Variants in OR51B5 observed in about 807,000 individuals in gnomAD.
OR51B5 encodes the protein olfactory receptor 51B5.
For synonymous variants in OR51B5, 186 were observed against 144.8 expected (o/e 1.28, Z -2.04); for missense variants, 456 against 374.6 (o/e 1.22, Z -1.79).
At chr11:5,495,230 G>C (rs1396869076) in intron 1 of OR51B5, among the ~76,000 whole-genome samples, 1 of 152,150 alleles carries the variant, frequency 6.6e-6, no homozygotes, top group African/African-American at 2.4e-5. Flanking sequence ...TCTTCAAGTT[G>C]AAATGACAGG....
chr11:5,404,269 C>T (rs1222757343), intron 1 of OR51B5, among the ~76,000 whole-genome samples: 1 of 152,136 alleles, frequency 6.6e-6, no homozygotes, highest in East Asian at 1.9e-4. Context: ...TTTGTAAACA[C>T]ACCAATCAGC....
At chr11:5,464,994 CAGG>C (rs1161307370) in intron 1 of OR51B5, among the ~76,000 whole-genome samples, 1 of 152,042 alleles carries the variant, frequency 6.6e-6, no homozygotes, top group Admixed American at 6.5e-5. Flanking sequence ...ATCGCGAGGT[CAGG>C]AGATCGAGAC....
chr11:5,474,647 G>A (rs917403948), intron 1 of OR51B5, among the ~76,000 whole-genome samples: 2 of 152,106 alleles, frequency 1.3e-5, no homozygotes, highest in Admixed American at 1.3e-4. Context: ...TACTATTCAA[G>A]TTGACAAGAT....
At chr11:5,424,930 C>A (rs1216852990) in intron 1 of OR51B5, among the ~76,000 whole-genome samples, 1 of 101,430 alleles carries the variant, frequency 9.9e-6, no homozygotes, top group Non-Finnish European at 2.2e-5. Context: ...TGCAGTGAGC[C>A]GAGATCCCGC....
chr11:5,437,410 T>C (rs1428790998), intron 1 of OR51B5, among the ~76,000 whole-genome samples: 1 of 152,122 alleles, frequency 6.6e-6, no homozygotes, highest in African/African-American at 2.4e-5. Context: ...CCAGAGAGGA[T>C]ATGACCTGAC....
At chr11:5,373,064 G>C (rs1849468857) in intron 1 of OR51B5, among the ~76,000 whole-genome samples, 1 of 152,146 alleles carries the variant, frequency 6.6e-6, no homozygotes, top group Admixed American at 6.5e-5. Context: ...CAACACAATA[G>C]GGGAAGGATA....
chr11:5,417,976 G>A (rs561268887), intron 1 of OR51B5, among the ~76,000 whole-genome samples: 26 of 148,278 alleles, frequency 1.8e-4, no homozygotes, highest in South Asian at 6.8e-4. Flanking sequence ...TGTTTATTGC[G>A]GCACTACTCA....
chr11:5,387,150 G>A (rs1050884391), intron 1 of OR51B5, among the ~76,000 whole-genome samples: 3 of 152,084 alleles, frequency 2.0e-5, no homozygotes, highest in African/African-American at 4.8e-5. Flanking sequence ...ATAAATATTT[G>A]AGCAATGGAA....
At chr11:5,477,793 G>T (rs866942728) in intron 1 of OR51B5, among the ~76,000 whole-genome samples, 2 of 152,176 alleles carry the variant, frequency 1.3e-5, no homozygotes, top group Non-Finnish European at 2.9e-5. Flanking sequence ...TGAATATTGC[G>T]CTTTTCGGAC....
upstream of OR51B5, among the ~76,000 whole-genome samples, chr11:5,347,483 C>CATCCCTGTGATGAGTG (rs138892225): frequency 2.0e-5 from 3 of 152,250 alleles, no homozygotes; most frequent in African/African-American, 7.2e-5. Context: ...ATGCAGCAGG[C>CATCCCTGTGATGAGTG]ATACTCATCA....
chr11:5,425,664 A>G (rs138812021), intron 1 of OR51B5, among the ~76,000 whole-genome samples: 108 of 152,326 alleles, frequency 7.1e-4, no homozygotes, highest in South Asian at 1.7e-3. Context: ...GCAAATAACT[A>G]TACTGGTCAT....
At chr11:5,502,910 T>C (rs1846316685) in intron 1 of OR51B5, among the ~76,000 whole-genome samples, 1 of 152,196 alleles carries the variant, frequency 6.6e-6, no homozygotes, top group Non-Finnish European at 1.5e-5. Flanking sequence ...TTGTTCGCCA[T>C]TGTATTCCTA....
Position 5,448,979 on chromosome 11 carries a change from A to AT in OR51B5, n.84+56589_84+56590insA, listed in dbSNP as rs550674052. On this transcript the variant is annotated intron_variant and non_coding_transcript_variant, in intron 1 of 4. Coordinates refer to the OR51B5 transcript ENST00000415970. ...ACTCAATATATTTAAAGAGACAAGA[A>AT]GAGTAAAAATAGTCACTTTCTGATT... 2.8e-4 allele frequency among the ~76,000 whole-genome samples: 42 copies of AT among 152,380 alleles called. No homozygotes were observed. In the East Asian group the frequency reaches 7.3e-3, roughly 27 times the overall value.
chr11:5,505,234 G>A, intron 1 of OR51B5: 27 of 1,077,126 alleles, frequency 2.5e-5, no homozygotes, highest in Non-Finnish European at 3.3e-5. Flanking sequence ...GATAAATGCA[G>A]TAACATTGCT....
chr11:5,432,224 A>C (rs1587348), intron 1 of OR51B5, among the ~76,000 whole-genome samples: 28,050 of 152,124 alleles, frequency 0.18, 3,103 homozygotes, highest in East Asian at 0.4. Flanking sequence ...CTCTACCTAC[A>C]TGATATCAAC....
chr11:5,472,523 C>T (rs967750733), intron 1 of OR51B5, among the ~76,000 whole-genome samples: 2 of 152,142 alleles, frequency 1.3e-5, no homozygotes, highest in South Asian at 2.1e-4. Flanking sequence ...TATAAAGCTG[C>T]GTCTTCAGAG....
chr11:5,501,341 A>G (rs1007451100), intron 1 of OR51B5, among the ~76,000 whole-genome samples: 2 of 148,236 alleles, frequency 1.3e-5, no homozygotes, highest in Admixed American at 1.4e-4. Context: ...TCCTTCGAGT[A>G]GATTCGGGCT....
At chr11:5,385,793 C>T (rs1397600107) in intron 1 of OR51B5, among the ~76,000 whole-genome samples, 1 of 142,082 alleles carries the variant, frequency 7.0e-6, no homozygotes, top group African/African-American at 2.7e-5. Context: ...ATACCCTATA[C>T]TTATATATAA....
intron 1 of OR51B5, among the ~76,000 whole-genome samples, chr11:5,449,720 G>A (rs746806264): frequency 6.6e-6 from 1 of 152,134 alleles, no homozygotes; most frequent in Non-Finnish European, 1.5e-5. Flanking sequence ...GGAACGGTTC[G>A]GGAATCTAGA....
Sources: gnomAD v4.1 joint callset for allele counts (sites outside exome capture counted in the v4.1 genomes callset) on GRCh38, gnomAD v4.1.1 for gene constraint, MANE v1.5 for transcripts, NCBI Gene and HGNC (gene_info 2026-07-23, HGNC 2026-07-21) for gene names.